Variants in HLCS observed in about 807,000 individuals in gnomAD.
HLCS encodes the protein biotin--protein ligase.
A neutral mutation model predicts 75.0 loss-of-function variants in HLCS; 53 were observed. That is an observed-to-expected ratio of 0.71 (90% CI 0.57 to 0.89). HLCS has a LOEUF of 0.89. Ranked by LOEUF, HLCS falls within the 40% of genes least tolerant of loss-of-function variation. The pLI is 0.00. For missense variants in HLCS, 966 were observed against 1,074.0 expected, an observed-to-expected ratio of 0.90 and a Z score of 1.41; for synonymous variants, 431 against 428.6, an observed-to-expected ratio of 1.01 and a Z score of -0.07.
At chr21:36,759,648 T>C (rs1350801760) in intron 9 of HLCS, 79 bp downstream of exon 9, 27 of 837,100 alleles carry the variant, frequency 3.2e-5, no homozygotes, top group Non-Finnish European at 5.4e-5. Context: ...CTCCTGCCAA[T>C]GTAGGCATGC....
At chr21:36,949,389 T>C (rs2067564784) in intron 2 of HLCS, among the ~76,000 whole-genome samples, 1 of 152,208 alleles carries the variant, frequency 6.6e-6, no homozygotes, top group Non-Finnish European at 1.5e-5. Context: ...AAGAGCCACA[T>C]GTCCTTCTAC....
intron 6 of HLCS, among the ~76,000 whole-genome samples, chr21:36,785,949 A>G (rs2060673650): frequency 6.6e-6 from 1 of 152,174 alleles, no homozygotes; most frequent in South Asian, 2.1e-4. Flanking sequence ...TCCCTTCCAC[A>G]GGATTCTGAG....
intron 6 of HLCS, among the ~76,000 whole-genome samples, chr21:36,773,274 G>A (rs1202747946): frequency 2.6e-5 from 4 of 152,318 alleles, no homozygotes; most frequent in Middle Eastern, 6.8e-3. Context: ...AAGAAAGGGC[G>A]GCCAAGTGCA....
At chr21:36,763,966 T>C (rs1031761127) in intron 8 of HLCS, among the ~76,000 whole-genome samples, 3 of 152,218 alleles carry the variant, frequency 2.0e-5, no homozygotes, top group African/African-American at 7.2e-5. Context: ...ATAGTTCTGT[T>C]AGAGCACAGA....
intron 6 of HLCS, among the ~76,000 whole-genome samples, chr21:36,772,614 G>T: frequency 6.9e-6 from 1 of 145,826 alleles, no homozygotes; most frequent in Non-Finnish European, 1.5e-5. Context: ...ACTCCAGCCT[G>T]GGCAACAGAG....
Position 36,977,159 on chromosome 21 carries a change from A to T in HLCS, c.-393+12999T>A, listed in dbSNP as rs189277183. The stretch of plus-strand genomic sequence containing the variant: ...GACCACTAGAGAGCGAAGCGGTCAC[A>T]AATTTTTTCTCTGTTAAAAGCAAAT... On this transcript the variant is annotated intron_variant, in intron 1 of 11. Coordinates refer to the HLCS transcript ENST00000336648. Among the ~76,000 whole-genome samples the T allele has an allele frequency of 5.3e-5, 8 of 152,128 alleles. No homozygotes were observed. In the East Asian group the frequency reaches 1.5e-3, roughly 29 times the overall value.
intron 6 of HLCS, among the ~76,000 whole-genome samples, chr21:36,841,563 A>C (rs776636842): frequency 7.2e-5 from 11 of 152,258 alleles, no homozygotes; most frequent in Non-Finnish European, 1.5e-4. Context: ...AGGGCTGCAC[A>C]ACGTGGTGGC....
intron 1 of HLCS, chr21:36,973,943 A>T (rs1281755055): frequency 6.5e-6 from 1 of 152,684 alleles, no homozygotes; most frequent in Non-Finnish European, 1.5e-5. Context: ...GTGAGCCAAG[A>T]TCATGCCCTT....
intron 6 of HLCS, among the ~76,000 whole-genome samples, chr21:36,847,375 C>A (rs879784752): frequency 2.6e-5 from 4 of 152,186 alleles, no homozygotes; most frequent in Non-Finnish European, 4.4e-5. Context: ...CTAGCACAGA[C>A]TCGTTTCTAT....
At chr21:36,905,877 C>A (rs1194562519) in intron 5 of HLCS, among the ~76,000 whole-genome samples, 2 of 151,792 alleles carry the variant, frequency 1.3e-5, no homozygotes, top group Non-Finnish European at 2.9e-5. Context: ...CATGGTGAAA[C>A]CCCACTTCTA....
intron 3 of HLCS, 66 bp downstream of exon 3, chr21:36,938,766 A>C (rs2067007145): frequency 6.5e-7 from 1 of 1,545,578 alleles, no homozygotes; most frequent in Non-Finnish European, 8.9e-7. Flanking sequence ...GGCCTTCCAA[A>C]GTGCTGGGAT....
chr21:36,952,544 A>G (rs533230564), intron 2 of HLCS, among the ~76,000 whole-genome samples: 26 of 152,316 alleles, frequency 1.7e-4, no homozygotes, highest in Non-Finnish European at 2.5e-4. Flanking sequence ...CCGTAATCCC[A>G]GCACTTTGGG....
At chr21:36,857,610 C>T (rs2063239188) in intron 6 of HLCS, among the ~76,000 whole-genome samples, 1 of 152,124 alleles carries the variant, frequency 6.6e-6, no homozygotes, top group Non-Finnish European at 1.5e-5. Flanking sequence ...CCCCAAACCT[C>T]CAGGGCCCTC....
upstream of HLCS, among the ~76,000 whole-genome samples, chr21:36,967,923 T>G (rs1158979385): frequency 1.3e-5 from 2 of 152,212 alleles, no homozygotes; most frequent in Non-Finnish European, 2.9e-5. Context: ...TTTCACCACG[T>G]TGGCCAGGGT....
At position 36,749,172 on chromosome 21, in the gene HLCS, G is replaced by A. The variant is rs1193686123; in HGVS notation, c.*5074C>T. 2 of 152,602 alleles carry A rather than the reference G, an allele frequency of 1.3e-5. No homozygotes were observed. Among genetic ancestry groups the A allele is most frequent in the Non-Finnish European group, 2.9e-5 (2 of 68,018 alleles). 9.5% of individuals were successfully genotyped at this position (152,602 alleles called of 1,614,324 possible). ...AAAGCACCAGCAGTGTTTAAAAAAT[G>A]AGCTTCCATTAATTTTTACTTTTTA... On this transcript the variant is annotated 3_prime_UTR_variant, in exon 11 of 11. Coordinates refer to ENST00000674895, the MANE Select transcript of HLCS (RefSeq NM_001352514.2).
intron 6 of HLCS, among the ~76,000 whole-genome samples, chr21:36,784,876 C>T (rs1036043262): frequency 7.2e-5 from 11 of 152,112 alleles, no homozygotes; most frequent in Non-Finnish European, 1.3e-4. Flanking sequence ...GCTTCAAATA[C>T]TTCATTTTCC....
chr21:36,759,360 A>C (rs138556274), intron 9 of HLCS, among the ~76,000 whole-genome samples: 76 of 152,358 alleles, frequency 5.0e-4, no homozygotes, highest in African/African-American at 1.8e-3. Flanking sequence ...TCACGATAAG[A>C]ATGCAAGACA....
chr21:36,788,196 G>A (rs907141461), intron 6 of HLCS, among the ~76,000 whole-genome samples: 2 of 152,174 alleles, frequency 1.3e-5, no homozygotes, highest in African/African-American at 4.8e-5. Context: ...TCGGTGAAGC[G>A]TCTTCCTGAA....
At chr21:36,877,640 T>C (rs1032247773) in intron 6 of HLCS, among the ~76,000 whole-genome samples, 4 of 152,126 alleles carry the variant, frequency 2.6e-5, no homozygotes, top group Admixed American at 6.5e-5. Context: ...ATATGTGTGT[T>C]GGGGGAGTAT....
Sources: gnomAD v4.1 joint callset for allele counts (sites outside exome capture counted in the v4.1 genomes callset) on GRCh38, gnomAD v4.1.1 for gene constraint, MANE v1.5 for transcripts, NCBI Gene and HGNC (gene_info 2026-07-23, HGNC 2026-07-21) for gene names.